Variants in PEG3 observed in about 807,000 individuals in gnomAD.
PEG3 encodes the protein paternally expressed 3.
A neutral mutation model predicts 35.5 loss-of-function variants in PEG3; 23 were observed. The ratio of observed to expected loss-of-function variants is 0.65; its 90% CI spans 0.47 to 0.92. The LOEUF (loss-of-function observed/expected upper bound fraction) is 0.92. Ranked by LOEUF, PEG3 falls within the 40% of genes least tolerant of loss-of-function variation. PEG3 has a pLI of 0.00. For synonymous variants in PEG3, 707 were observed against 697.0 expected (o/e 1.01, Z -0.23); for missense variants, 1,960 against 1,985.3 (o/e 0.99, Z 0.24).
chr19:56,821,009 A>T (rs993324015), intron 7 of PEG3, among the ~76,000 whole-genome samples: 3 of 151,880 alleles, frequency 2.0e-5, no homozygotes, highest in African/African-American at 7.3e-5. Flanking sequence ...CAAGTTCCAC[A>T]TTTTTTTTCC....
At position 56,812,854 on chromosome 19, in the gene PEG3, AT is replaced by A; in HGVS notation, c.*820del. On this transcript the variant is annotated 3_prime_UTR_variant, in exon 10 of 10. Coordinates refer to ENST00000326441, the MANE Select transcript of PEG3 (RefSeq NM_006210.3). ...AAAACCCAGAACACAAATGTGTAAT[AT>A]TTTTGCATGAGAACCACTTCAACAA... 1.0e-6 allele frequency: 1 copy of A among 985,244 alleles called. No homozygotes were observed. The highest frequency in any genetic ancestry group is 1.2e-6 in the Non-Finnish European group (1 of 829,780). 61.0% of individuals were successfully genotyped at this position (985,244 alleles called of 1,614,324 possible).
intron 1 of PEG3, among the ~76,000 whole-genome samples, chr19:56,838,677 C>T (rs2062516473): frequency 6.6e-6 from 1 of 152,188 alleles, no homozygotes; most frequent in Non-Finnish European, 1.5e-5. Context: ...TAAATGGCTC[C>T]GCGGCCGCTA....
intron 8 of PEG3, among the ~76,000 whole-genome samples, chr19:56,818,111 C>T (rs932422508): frequency 1.5e-4 from 23 of 152,196 alleles, no homozygotes; most frequent in African/African-American, 5.6e-4. Flanking sequence ...TCTTCACCTT[C>T]TTGTAACCAC....
intron 1 of PEG3, 46 bp downstream of exon 1, chr19:56,840,536 G>C (rs540839048): frequency 6.6e-6 from 1 of 152,290 alleles, no homozygotes; most frequent in African/African-American, 2.4e-5. Context: ...GCGACACCAA[G>C]GTCCCGCGGG....
At position 56,822,845 on chromosome 19, in the gene PEG3, G is replaced by A. The variant is rs1292693120; in HGVS notation, c.482-9C>T. On this transcript the variant is annotated splice_polypyrimidine_tract_variant and intron_variant, in intron 5 of 9. Coordinates refer to ENST00000326441, the MANE Select transcript of PEG3 (RefSeq NM_006210.3). ...GTCCCAGTCCCGGTCACCTAAGCAG[G>A]TGAGACATTCCAGTGGTTAACAAAG... 5 of 1,612,288 alleles carry A rather than the reference G, an allele frequency of 3.1e-6. No homozygotes were observed. The highest frequency in any genetic ancestry group is 1.1e-5 in the South Asian group (1 of 90,518).
intron 2 of PEG3, among the ~76,000 whole-genome samples, chr19:56,829,913 C>T (rs555567732): frequency 6.6e-6 from 1 of 152,352 alleles, no homozygotes; most frequent in South Asian, 2.1e-4. Flanking sequence ...GCAACAGCCA[C>T]GCCTACCACT....
At chr19:56,832,799 A>G (rs1461614272) in intron 2 of PEG3, among the ~76,000 whole-genome samples, 1 of 152,212 alleles carries the variant, frequency 6.6e-6, no homozygotes, top group African/African-American at 2.4e-5. Context: ...CTAGATGTCT[A>G]AACATGAAAC....
At chr19:56,826,615 T>C (rs1304769538) in intron 2 of PEG3, among the ~76,000 whole-genome samples, 152 bp from the exon 3 acceptor site, 1 of 152,208 alleles carries the variant, frequency 6.6e-6, no homozygotes, top group Non-Finnish European at 1.5e-5. Context: ...ATTCCCATGC[T>C]ATATAAACCA....
intron 7 of PEG3, among the ~76,000 whole-genome samples, chr19:56,819,683 TG>T (rs1482566324): frequency 6.6e-6 from 1 of 152,134 alleles, no homozygotes. Context: ...ACCTGTAAAA[TG>T]GGGAGAAGAG....
In PEG3 at chr19:56,811,624, G is replaced by A. The variant is rs1437217585; in HGVS notation, c.*2051C>T. The A allele has an allele frequency of 1.6e-5, 16 of 985,160 alleles. No homozygotes were observed. Among genetic ancestry groups the A allele is most frequent in the Non-Finnish European group, 1.7e-5 (14 of 829,806 alleles). The allele number at this position is 985,160 out of a possible 1,614,324, so 61.0% of individuals were successfully genotyped here. A position where few individuals can be genotyped will look rare whatever the true frequency, so the allele number is the denominator to read the frequency against. On this transcript the variant is annotated 3_prime_UTR_variant, in exon 10 of 10. Coordinates refer to ENST00000326441, the MANE Select transcript of PEG3 (RefSeq NM_006210.3). Reference sequence around the variant, plus strand: ...CCACTGCCAACAATGTTAACACCAAGTAATGTACCCACAAAGTTCACCCCG... The same window carrying A: ...CCACTGCCAACAATGTTAACACCAAATAATGTACCCACAAAGTTCACCCCG...
intron 2 of PEG3, among the ~76,000 whole-genome samples, chr19:56,832,444 G>A (rs191307346): frequency 2.0e-5 from 3 of 152,294 alleles, no homozygotes; most frequent in Non-Finnish European, 4.4e-5. Flanking sequence ...CTGTCTAGCC[G>A]TCATATGGCT....
chr19:56,824,906 G>A, intron 3 of PEG3, 165 bp from the exon 4 acceptor site: 2 of 464,018 alleles, frequency 4.3e-6, no homozygotes, highest in East Asian at 6.8e-5. Context: ...TTACAAGCAT[G>A]ACCTCTGGGC....
chr19:56,821,595 GTC>G (rs2060492831), intron 7 of PEG3, 54 bp downstream of exon 7: 4 of 1,595,168 alleles, frequency 2.5e-6, no homozygotes, highest in Non-Finnish European at 3.4e-6. Context: ...AAAGAAAGGC[GTC>G]TCTGCCATGA....
chr19:56,820,056 T>A (rs759189024), intron 7 of PEG3, among the ~76,000 whole-genome samples: 11 of 152,224 alleles, frequency 7.2e-5, no homozygotes, highest in Admixed American at 1.3e-4. Flanking sequence ...CACGCTTTGA[T>A]TGAAAATTAA....
intron 7 of PEG3, among the ~76,000 whole-genome samples, chr19:56,821,232 A>C (rs1366332825): frequency 1.3e-5 from 2 of 152,230 alleles, no homozygotes; most frequent in African/African-American, 4.8e-5. Flanking sequence ...CACAGCTAGC[A>C]AGTGGCAGAG....
intron 1 of PEG3, among the ~76,000 whole-genome samples, 187 bp downstream of exon 1, chr19:56,840,395 T>C (rs932439240): frequency 1.3e-5 from 2 of 152,146 alleles, no homozygotes; most frequent in African/African-American, 4.8e-5. Context: ...TGGCCGCCAC[T>C]GTGCCCACTC....
rs774512500 is a variant in PEG3, at chr19:56,815,821, T to A, written c.2621A>T (p.Lys874Met). 6.2e-7 allele frequency: 1 copy of A among 1,613,682 alleles called. No homozygotes were observed. ...ACAAGGGTTCTCTCTGGCAGGAATC[T>A]TCTGTCGCTTATCATTAAGGTCTGA... The part of the protein sequence containing the change: ...YISDLNDKRQ[K>M]IPARENPCEG... The change falls in exon 10 of 10, where the codon AAG becomes ATG. Residue 874 changes from lysine to methionine, a missense_variant. By Grantham distance (95) the Lys-to-Met change is moderately conservative. Transcript: ENST00000326441.
chr19:56,822,844 G>C lies in PEG3; in HGVS notation c.482-8C>G. 2 of 1,612,376 alleles carry C rather than the reference G, an allele frequency of 1.2e-6. No individual in the cohort carries two copies. Among genetic ancestry groups the C allele is most frequent in the Non-Finnish European group, 1.7e-6 (2 of 1,179,306 alleles). ...GGTCCCAGTCCCGGTCACCTAAGCA[G>C]GTGAGACATTCCAGTGGTTAACAAA... On this transcript the variant is annotated splice_region_variant and splice_polypyrimidine_tract_variant and intron_variant, in intron 5 of 9. Transcript: ENST00000326441.
chr19:56,815,409 G>C lies in PEG3; in HGVS notation c.3033C>G (p.Ala1011=). The C allele has an allele frequency of 1.2e-6, 2 of 1,614,104 alleles. No individual in the cohort carries two copies. The highest frequency in any genetic ancestry group is 2.2e-5 in the South Asian group (2 of 91,086). The change falls in exon 10 of 10, where the codon GCC becomes GCG. Residue 1011 remains alanine, a synonymous_variant. Transcript: ENST00000326441. ...NYEWSVIRSL[A]PTDPQTSYAQ... is the part of the protein sequence containing the mutation. ...CGTAACTTGTTTGAGGGTCAGTAGG[G>C]GCCAAGCTGCGAATGACAGACCATT...
Sources: allele counts gnomAD v4.1 joint callset (sites outside exome capture counted in the v4.1 genomes callset), GRCh38; gene constraint gnomAD v4.1.1; transcripts MANE v1.5; gene names NCBI Gene and HGNC (gene_info 2026-07-23, HGNC 2026-07-21).